RPH3A: variants seen among roughly 807,000 people sequenced by gnomAD.
RPH3A encodes the protein rabphilin 3A.
In RPH3A, 48 loss-of-function variants were observed where a neutral mutation model predicts 102.2. The observed-to-expected ratio is 0.47, with a 90% confidence interval of 0.37 to 0.60. The LOEUF (loss-of-function observed/expected upper bound fraction) is 0.60. RPH3A is among the 20% of genes least tolerant of loss of function. The pLI is 0.00. For synonymous variants in RPH3A, 310 were observed against 324.3 expected, an observed-to-expected ratio of 0.96 and a Z score of 0.47; for missense variants, 781 against 910.1, an observed-to-expected ratio of 0.86 and a Z score of 1.83.
chr12:112,883,331 G>A lies in RPH3A; in HGVS notation c.1365G>A (p.Arg455=). The change falls in exon 16 of 22, where the codon CGG becomes CGA. Residue 455 remains arginine, a synonymous_variant. Coordinates refer to ENST00000389385, the MANE Select transcript of RPH3A (RefSeq NM_001143854.2). ...GTACAAAAACTCTGCGGAATACCCG[G>A]AACCCCATCTGGAATGAGACCCTCG... The part of the protein sequence containing the change: ...KLRTKTLRNT[R]NPIWNETLVY... The A allele has an allele frequency of 6.2e-7, 1 of 1,614,140 alleles. No homozygotes were observed. The highest frequency in any genetic ancestry group is 8.5e-7 in the Non-Finnish European group (1 of 1,180,032).
intron 2 of RPH3A, among the ~76,000 whole-genome samples, chr12:112,826,763 A>G (rs1269843304): frequency 6.6e-6 from 1 of 152,228 alleles, no homozygotes; most frequent in African/African-American, 2.4e-5. Context: ...CATGCGCTGT[A>G]TCAGAAGCTT....
intron 4 of RPH3A, among the ~76,000 whole-genome samples, chr12:112,839,970 C>G (rs901697749): frequency 5.3e-5 from 8 of 152,072 alleles, no homozygotes; most frequent in African/African-American, 1.9e-4. Context: ...GCCTGGGCAA[C>G]CGAGTGAGAC....
At chr12:112,773,482 A>T (rs935376114) in intron 1 of RPH3A, among the ~76,000 whole-genome samples, 2 of 151,864 alleles carry the variant, frequency 1.3e-5, no homozygotes, top group Admixed American at 1.3e-4. Flanking sequence ...ATCTTTTTTT[A>T]AAAAAATAAG....
chr12:112,632,011 G>C (rs2039810191), intron 1 of RPH3A, among the ~76,000 whole-genome samples: 1 of 152,126 alleles, frequency 6.6e-6, no homozygotes, highest in Admixed American at 6.5e-5. Context: ...ACATGTCATG[G>C]GAGGAACCTG....
chr12:112,681,489 G>C (rs565086848), intron 1 of RPH3A, among the ~76,000 whole-genome samples: 1 of 152,340 alleles, frequency 6.6e-6, no homozygotes, highest in African/African-American at 2.4e-5. Flanking sequence ...GGTTTAGGCA[G>C]GAGAGTAATA....
chr12:112,577,672 C>G (rs778647476), intron 1 of RPH3A, among the ~76,000 whole-genome samples: 2 of 151,848 alleles, frequency 1.3e-5, no homozygotes, highest in Non-Finnish European at 1.5e-5. Flanking sequence ...TGGAGTTGCT[C>G]TGGTTCAAAT....
At chr12:112,836,452 T>C (rs774918473) in intron 3 of RPH3A, 39 bp from the exon 4 acceptor site, 8 of 1,270,832 alleles carry the variant, frequency 6.3e-6, no homozygotes, top group South Asian at 4.1e-5. Flanking sequence ...CCTAACTTTA[T>C]TCATTTTTTC....
intron 1 of RPH3A, among the ~76,000 whole-genome samples, chr12:112,590,445 A>G (rs1342997169): frequency 6.6e-6 from 1 of 152,218 alleles, no homozygotes. Context: ...ATAGAATACC[A>G]GAAAGCCTGT....
At chr12:112,877,371 G>C (rs1191541920) in intron 13 of RPH3A, among the ~76,000 whole-genome samples, 1 of 147,502 alleles carries the variant, frequency 6.8e-6, no homozygotes, top group Non-Finnish European at 1.5e-5. Flanking sequence ...ATCCCACCCA[G>C]GCCCCAAGTC....
At chr12:112,797,968 C>T (rs186395251) in intron 2 of RPH3A, among the ~76,000 whole-genome samples, 174 of 152,314 alleles carry the variant, frequency 1.1e-3, no homozygotes, top group African/African-American at 3.9e-3. Context: ...GGATTCCAGC[C>T]GTGAGCCACT....
At chr12:112,609,203 C>T (rs531662212) in intron 1 of RPH3A, among the ~76,000 whole-genome samples, 32 of 152,216 alleles carry the variant, frequency 2.1e-4, no homozygotes, top group African/African-American at 7.5e-4. Flanking sequence ...TCTCAAGTAG[C>T]TGGGATTACA....
At chr12:112,602,326 C>G (rs757161231) in intron 1 of RPH3A, among the ~76,000 whole-genome samples, 1 of 152,130 alleles carries the variant, frequency 6.6e-6, no homozygotes, top group Non-Finnish European at 1.5e-5. Context: ...TCTAAGAAAG[C>G]CTGCCGCCCA....
chr12:112,660,647 T>C (rs766246921), intron 1 of RPH3A, among the ~76,000 whole-genome samples: 1 of 152,208 alleles, frequency 6.6e-6, no homozygotes, highest in Non-Finnish European at 1.5e-5. Flanking sequence ...ATTTCACAAT[T>C]GCACTCCAGC....
chr12:112,610,607 T>TA (rs1390414386), intron 1 of RPH3A, among the ~76,000 whole-genome samples: 4 of 152,024 alleles, frequency 2.6e-5, no homozygotes, highest in African/African-American at 9.6e-5. Context: ...TCAAAGCACT[T>TA]AAACATGTCT....
intron 2 of RPH3A, among the ~76,000 whole-genome samples, chr12:112,809,430 A>G (rs193230116): frequency 8.9e-4 from 135 of 152,238 alleles, no homozygotes; most frequent in Non-Finnish European, 1.7e-3. Context: ...TGTCCCTGGG[A>G]GAGGAGAGGT....
chr12:112,713,072 T>C (rs1036954801), intron 1 of RPH3A, among the ~76,000 whole-genome samples: 9 of 137,546 alleles, frequency 6.5e-5, no homozygotes, highest in Non-Finnish European at 1.4e-4. Context: ...TTCTTCTTCT[T>C]CTTCTTCTTC....
chr12:112,850,688 C>T (rs2042308489), intron 5 of RPH3A: 1 of 152,198 alleles, frequency 6.6e-6, no homozygotes, highest in Non-Finnish European at 1.5e-5. Context: ...TCCTGTTCCA[C>T]CCACACTTCC....
intron 1 of RPH3A, among the ~76,000 whole-genome samples, chr12:112,649,071 G>A (rs1024258394): frequency 2.6e-5 from 4 of 152,202 alleles, no homozygotes; most frequent in Non-Finnish European, 5.9e-5. Context: ...CCTCGGCCTT[G>A]CAAAGTGCTG....
intron 1 of RPH3A, among the ~76,000 whole-genome samples, chr12:112,684,831 G>A (rs1466024564): frequency 6.6e-6 from 1 of 152,160 alleles, no homozygotes; most frequent in Non-Finnish European, 1.5e-5. Context: ...ATTGCTCACA[G>A]GTCTGTAGGC....
Sources: gnomAD v4.1 joint callset for allele counts (sites outside exome capture counted in the v4.1 genomes callset) on GRCh38, gnomAD v4.1.1 for gene constraint, MANE v1.5 for transcripts, NCBI Gene and HGNC (gene_info 2026-07-23, HGNC 2026-07-21) for gene names.